Variants in FER observed in about 807,000 individuals in gnomAD.
FER encodes the protein tyrosine-protein kinase Fer.
A neutral mutation model predicts 111.0 loss-of-function variants in FER; 63 were observed. That is an observed-to-expected ratio of 0.57 (90% CI 0.46 to 0.70). The LOEUF (loss-of-function observed/expected upper bound fraction) is 0.70. FER is among the 30% of genes least tolerant of loss of function. FER has a pLI of 0.00. For missense variants in FER, 914 were observed against 954.0 expected, an observed-to-expected ratio of 0.96 and a Z score of 0.55; for synonymous variants, 327 against 313.9, an observed-to-expected ratio of 1.04 and a Z score of -0.44.
chr5:108,954,562 T>G lies in FER; in HGVS notation c.1330-167T>G, dbSNP rs560629148. On this transcript the variant is annotated intron_variant, in intron 11 of 19. Transcript: ENST00000281092. ...TGAAGCATATGTATTTGTGGTAAAC[T>G]TCAGCACCAGTACTTCAAAAGATAT... Among the ~76,000 whole-genome samples the G allele has an allele frequency of 7.3e-4, 111 of 152,220 alleles. 1 individual carries two copies. The highest frequency in any genetic ancestry group is 3.4e-3 in the Middle Eastern group (1 of 294).
chr5:108,848,996 G>T (rs1439827488), intron 5 of FER, among the ~76,000 whole-genome samples: 1 of 151,556 alleles, frequency 6.6e-6, no homozygotes, highest in African/African-American at 2.4e-5. Context: ...CCAGTGCCTT[G>T]TCACGGAGAA....
At chr5:108,852,583 T>C (rs999202428) in intron 5 of FER, among the ~76,000 whole-genome samples, 4 of 152,154 alleles carry the variant, frequency 2.6e-5, no homozygotes, top group African/African-American at 9.6e-5. Flanking sequence ...GTTTAACATA[T>C]GGAAAAATTC....
At chr5:109,069,129 T>C (rs1219963966) in intron 16 of FER, among the ~76,000 whole-genome samples, 1 of 151,778 alleles carries the variant, frequency 6.6e-6, no homozygotes, top group Non-Finnish European at 1.5e-5. Flanking sequence ...TATTTGCAAA[T>C]ATTAAACCTT....
At chr5:109,014,592 G>A (rs1264560460) in intron 13 of FER, among the ~76,000 whole-genome samples, 35 of 152,104 alleles carry the variant, frequency 2.3e-4, no homozygotes, top group African/African-American at 6.0e-4. Context: ...TATGAACTTT[G>A]AAGTAGTTTT....
chr5:109,079,518 T>C (rs1054143345), intron 16 of FER, among the ~76,000 whole-genome samples: 1 of 152,174 alleles, frequency 6.6e-6, no homozygotes, highest in African/African-American at 2.4e-5. Context: ...GTGAATGAAT[T>C]ATAAAACATA....
chr5:108,908,424 T>A (rs1751086681), intron 10 of FER, among the ~76,000 whole-genome samples: 1 of 152,156 alleles, frequency 6.6e-6, no homozygotes, highest in African/African-American at 2.4e-5. Flanking sequence ...GGGTGCTCAT[T>A]AAAAAATATT....
intron 17 of FER, among the ~76,000 whole-genome samples, chr5:109,120,478 T>G (rs1465879386): frequency 1.3e-5 from 2 of 152,130 alleles, no homozygotes; most frequent in African/African-American, 4.8e-5. Flanking sequence ...TTATTGCCAG[T>G]ACCATTCTGT....
intron 3 of FER, among the ~76,000 whole-genome samples, chr5:108,828,280 A>T (rs1759683331): frequency 6.6e-6 from 1 of 152,238 alleles, no homozygotes; most frequent in Non-Finnish European, 1.5e-5. Flanking sequence ...GGAGGTATAA[A>T]TAGGCTGCTT....
intron 3 of FER, among the ~76,000 whole-genome samples, chr5:108,823,701 T>G (rs1255019311): frequency 6.6e-6 from 1 of 152,208 alleles, no homozygotes; most frequent in Admixed American, 6.5e-5. Context: ...GATATATAAT[T>G]TGCAAATATT....
intron 16 of FER, among the ~76,000 whole-genome samples, chr5:109,071,519 A>G (rs1019189159): frequency 1.3e-5 from 2 of 152,046 alleles, no homozygotes; most frequent in African/African-American, 4.8e-5. Flanking sequence ...CTCTATATGT[A>G]TCATCTTTTT....
intron 18 of FER, among the ~76,000 whole-genome samples, chr5:109,185,530 G>A (rs1352005327): frequency 6.6e-6 from 1 of 152,114 alleles, no homozygotes; most frequent in Admixed American, 6.5e-5. Context: ...TAATCTCCTA[G>A]GATTGATAAC....
chr5:109,182,479 G>A (rs1374856209), intron 18 of FER, among the ~76,000 whole-genome samples: 1 of 151,992 alleles, frequency 6.6e-6, no homozygotes. Flanking sequence ...TTAACTCTAG[G>A]GTCAGATTAT....
intron 16 of FER, among the ~76,000 whole-genome samples, chr5:109,076,268 A>T (rs1776330524): frequency 6.6e-6 from 1 of 152,182 alleles, no homozygotes; most frequent in Admixed American, 6.5e-5. Context: ...ATGTAGCAAC[A>T]TTACTAATAT....
intron 13 of FER, among the ~76,000 whole-genome samples, chr5:108,999,507 T>A (rs1002539866): frequency 6.6e-6 from 1 of 152,176 alleles, no homozygotes. Context: ...ATACAGAAGA[T>A]TCTTCTAGAG....
At chr5:109,110,813 G>A (rs184997139) in intron 17 of FER, among the ~76,000 whole-genome samples, 47 of 152,046 alleles carry the variant, frequency 3.1e-4, no homozygotes, top group South Asian at 1.2e-3. Flanking sequence ...CAATTTTAAC[G>A]TATTACTCCA....
chr5:108,860,636 A>G (rs1052243425), intron 5 of FER, among the ~76,000 whole-genome samples: 1 of 152,202 alleles, frequency 6.6e-6, no homozygotes, highest in African/African-American at 2.4e-5. Flanking sequence ...CCAAGTAACT[A>G]TAAGTTAAGA....
intron 17 of FER, among the ~76,000 whole-genome samples, chr5:109,113,365 T>A: frequency 6.6e-6 from 1 of 152,220 alleles, no homozygotes; most frequent in Admixed American, 6.5e-5. Flanking sequence ...CCTACTCAAA[T>A]ATATTTCTTT....
intron 1 of FER, among the ~76,000 whole-genome samples, chr5:108,763,352 A>G (rs1312236959): frequency 6.6e-6 from 1 of 152,148 alleles, no homozygotes; most frequent in Non-Finnish European, 1.5e-5. Context: ...TCTTAGTGCT[A>G]GTTCTCCCTG....
chr5:108,862,469 A>G (rs768123813), intron 5 of FER, among the ~76,000 whole-genome samples: 7 of 152,206 alleles, frequency 4.6e-5, no homozygotes, highest in Non-Finnish European at 8.8e-5. Context: ...TAAATGTCTC[A>G]ATGAAAATGT....
Sources: allele counts gnomAD v4.1 joint callset (sites outside exome capture counted in the v4.1 genomes callset), GRCh38; gene constraint gnomAD v4.1.1; transcripts MANE v1.5; gene names NCBI Gene and HGNC (gene_info 2026-07-23, HGNC 2026-07-21).